Variants in AFF4 observed in about 807,000 individuals in gnomAD.
The protein encoded by AFF4 is ALF transcription elongation factor 4.
In AFF4, 13 loss-of-function variants were observed where a neutral mutation model predicts 124.8. That is an observed-to-expected ratio of 0.10 (90% confidence interval 0.07 to 0.17). The LOEUF (loss-of-function observed/expected upper bound fraction) is 0.17. Ranked by LOEUF, AFF4 falls within the 10% of genes least tolerant of loss-of-function variation. AFF4 has a pLI of 1.00. For synonymous variants in AFF4, 477 were observed against 496.1 expected (o/e 0.96, Z 0.51); for missense variants, 1,092 against 1,403.8 (o/e 0.78, Z 3.55).
chr5:132,891,550 T>A (rs1303271829), intron 13 of AFF4, among the ~76,000 whole-genome samples: 2 of 152,146 alleles, frequency 1.3e-5, no homozygotes, highest in East Asian at 3.8e-4. Context: ...GCATTGTGAG[T>A]ATCCTAGGAA....
intron 6 of AFF4, chr5:132,904,017 G>C (rs555366601): frequency 5.6e-6 from 1 of 178,702 alleles, no homozygotes; most frequent in Non-Finnish European, 1.2e-5. Context: ...AACACTTTGG[G>C]AGGCGAGGCA....
chr5:132,927,960 C>T (rs1481631362), intron 4 of AFF4, among the ~76,000 whole-genome samples: 4 of 152,010 alleles, frequency 2.6e-5, no homozygotes, highest in African/African-American at 9.7e-5. Flanking sequence ...TTAGATAAGC[C>T]AAGGAGACAG....
At chr5:132,888,735 T>G (rs112698041) in intron 14 of AFF4, among the ~76,000 whole-genome samples, 4,874 of 152,194 alleles carry the variant, frequency 0.032, 269 homozygotes, top group African/African-American at 0.11. Flanking sequence ...TCTCGCTCTG[T>G]TGCCCAGGCG....
chr5:132,948,562 A>T (rs899469515), intron 1 of AFF4: 6 of 153,716 alleles, frequency 3.9e-5, no homozygotes, highest in African/African-American at 1.4e-4. Flanking sequence ...GTTCGTCACT[A>T]AGCGGCCTAA....
intron 11 of AFF4, among the ~76,000 whole-genome samples, chr5:132,895,765 C>T (rs959319333): frequency 6.6e-6 from 1 of 152,144 alleles, no homozygotes; most frequent in East Asian, 1.9e-4. Context: ...GAAAAGCAGA[C>T]CTTAAATATA....
chr5:132,916,799 A>G (rs868629527), intron 5 of AFF4, among the ~76,000 whole-genome samples: 49 of 152,362 alleles, frequency 3.2e-4, no homozygotes, highest in South Asian at 1.2e-3. Context: ...TACAGACGCA[A>G]AAATTAGAAA....
chr5:132,931,311 C>T (rs925706834), intron 4 of AFF4, among the ~76,000 whole-genome samples: 1 of 152,044 alleles, frequency 6.6e-6, no homozygotes, highest in African/African-American at 2.4e-5. Context: ...CACCTGTAAT[C>T]CCAGCTACTC....
chr5:132,880,063 A>C lies in AFF4; in HGVS notation c.*996T>G. On this transcript the variant is annotated 3_prime_UTR_variant, in exon 21 of 21. Coordinates refer to ENST00000265343, the MANE Select transcript of AFF4 (RefSeq NM_014423.4). ...ATCACAATCCAGTATGAGGGGGAAA[A>C]ATCTGAAAAATAACTCTAACTATCA... The C allele has an allele frequency of 2.5e-6, 1 of 395,904 alleles. No homozygotes were observed. 24.5% of individuals were successfully genotyped at this position (395,904 alleles called of 1,614,324 possible).
intron 1 of AFF4, among the ~76,000 whole-genome samples, chr5:132,949,910 G>C (rs544277381): frequency 5.9e-5 from 9 of 151,378 alleles, no homozygotes; most frequent in Non-Finnish European, 8.8e-5. Context: ...TGTAGTCCTC[G>C]CTACTTGGAG....
chr5:132,939,103 G>C (rs1426762644), intron 1 of AFF4, among the ~76,000 whole-genome samples: 1 of 150,528 alleles, frequency 6.6e-6, no homozygotes, highest in Non-Finnish European at 1.5e-5. Context: ...ACCTGTAATA[G>C]CTTCTCGGGA....
At chr5:132,944,075 A>G (rs1283599961) in intron 1 of AFF4, 1 of 152,436 alleles carries the variant, frequency 6.6e-6, no homozygotes. Context: ...ACAGAGGATA[A>G]GCCTGTAATC....
intron 1 of AFF4, among the ~76,000 whole-genome samples, chr5:132,953,151 A>C (rs1330123606): frequency 6.8e-6 from 1 of 147,198 alleles, no homozygotes; most frequent in Non-Finnish European, 1.5e-5. Flanking sequence ...CATAGGGAGA[A>C]TCTGTCTCTA....
rs759395221 is a variant in AFF4, at chr5:132,881,032, A to T, written c.*27T>A. The T allele has an allele frequency of 6.2e-7, 1 of 1,608,124 alleles. No homozygotes were observed. Among genetic ancestry groups the T allele is most frequent in the Non-Finnish European group, 8.5e-7 (1 of 1,177,836 alleles). ...GATGTGACACAGTGTTGTGGAGAAA[A>T]TCAGAGGCAACGAGAATGTGTTCAG... On this transcript the variant is annotated 3_prime_UTR_variant, in exon 21 of 21. Coordinates refer to ENST00000265343, the MANE Select transcript of AFF4 (RefSeq NM_014423.4).
intron 5 of AFF4, among the ~76,000 whole-genome samples, chr5:132,921,859 C>T (rs151015315): frequency 0.015 from 2,254 of 152,110 alleles, 25 homozygotes; most frequent in Middle Eastern, 0.038. Context: ...CTGCTCACTG[C>T]AGCCTCAACC....
At position 132,922,096 on chromosome 5, in the gene AFF4, C is replaced by A. The variant is rs1182857648; in HGVS notation, c.1050+5025G>T. Among the ~76,000 whole-genome samples the A allele has an allele frequency of 2.0e-5, 3 of 152,212 alleles. No individual in the cohort carries two copies. In the East Asian group the frequency reaches 5.8e-4, roughly 29 times the overall value. On this transcript the variant is annotated intron_variant, in intron 5 of 20. Transcript: ENST00000265343. ...CATAGACACCTACCATATACCTAAC[C>A]ACCCCACTAATAGGCATTTATAATA...
chr5:132,894,341 G>C (rs945682681), intron 11 of AFF4, among the ~76,000 whole-genome samples: 3 of 152,078 alleles, frequency 2.0e-5, no homozygotes, highest in Non-Finnish European at 4.4e-5. Flanking sequence ...CATTTTTTAT[G>C]GTCCATACTT....
chr5:132,930,377 A>C (rs1001823360), intron 4 of AFF4, among the ~76,000 whole-genome samples: 7 of 152,236 alleles, frequency 4.6e-5, no homozygotes, highest in African/African-American at 1.7e-4. Flanking sequence ...AAAAACAATG[A>C]AGCATAAAAA....
intron 5 of AFF4, among the ~76,000 whole-genome samples, chr5:132,923,042 G>A (rs946889493): frequency 6.6e-6 from 1 of 151,994 alleles, no homozygotes; most frequent in African/African-American, 2.4e-5. Context: ...CGGGCGTGGT[G>A]GTGCGTACCT....
At chr5:132,950,204 G>A (rs1396566360) in intron 1 of AFF4, among the ~76,000 whole-genome samples, 2 of 152,144 alleles carry the variant, frequency 1.3e-5, no homozygotes, top group South Asian at 2.1e-4. Context: ...GGCCGGGCGC[G>A]ATGGCTCACG....
Sources: allele counts gnomAD v4.1 joint callset (sites outside exome capture counted in the v4.1 genomes callset), GRCh38; gene constraint gnomAD v4.1.1; transcripts MANE v1.5; gene names NCBI Gene and HGNC (gene_info 2026-07-23, HGNC 2026-07-21).